The following ULK2 variants were observed in gnomAD, a reference collection of about 807,000 sequenced individuals.
ULK2 encodes unc-51 like autophagy activating kinase 2, also known as serine/threonine-protein kinase ULK2.
In ULK2, 76 loss-of-function variants were observed where a neutral mutation model predicts 127.5. That is an observed-to-expected ratio of 0.60 (90% confidence interval 0.50 to 0.72). The LOEUF (loss-of-function observed/expected upper bound fraction) is 0.72. Among genes scored for constraint, ULK2 ranks in the 30% least tolerant of loss-of-function variants. ULK2 has a pLI of 0.00. For synonymous variants in ULK2, 452 were observed against 461.9 expected, an observed-to-expected ratio of 0.98 and a Z score of 0.28; for missense variants, 1,144 against 1,295.9, an observed-to-expected ratio of 0.88 and a Z score of 1.80.
Position 19,855,210 on chromosome 17 carries a change from C to T in ULK2, c.226-5436G>A, listed in dbSNP as rs2042099387. ...ACAAGGTCAGGAGATCGAGACCATCCTGGCTAACACTGTGAAACCCCGTCT... is the reference window on the plus strand; with the variant it reads ...ACAAGGTCAGGAGATCGAGACCATCTTGGCTAACACTGTGAAACCCCGTCT... On this transcript the variant is annotated intron_variant, in intron 3 of 26. Coordinates refer to ENST00000395544, the MANE Select transcript of ULK2 (RefSeq NM_014683.4). 2.0e-5 allele frequency among the ~76,000 whole-genome samples: 3 copies of T among 151,862 alleles called. No homozygotes were observed. In the South Asian group the frequency reaches 6.2e-4, roughly 31 times the overall value.
intron 15 of ULK2, among the ~76,000 whole-genome samples, chr17:19,804,442 G>A (rs1053212243): frequency 6.6e-6 from 1 of 151,518 alleles, no homozygotes; most frequent in African/African-American, 2.4e-5. Flanking sequence ...AAGTATATAT[G>A]TCTATACACA....
At chr17:19,805,266 CTGACTT>C (rs1485183823) in intron 14 of ULK2, among the ~76,000 whole-genome samples, 1 of 152,232 alleles carries the variant, frequency 6.6e-6, no homozygotes, top group Non-Finnish European at 1.5e-5. Flanking sequence ...TCAAAGAGCT[CTGACTT>C]TATGAAGAAG....
rs2041856096 is a variant in ULK2, at chr17:19,845,377, G to A, written c.470C>T (p.Ala157Val). The A allele has an allele frequency of 3.1e-6, 5 of 1,612,858 alleles. No individual in the cohort carries two copies. Among genetic ancestry groups the A allele is most frequent in the Non-Finnish European group, 4.2e-6 (5 of 1,179,182 alleles). ...TAGGTAACGAGCAAAACCAAAATCCGCTATTTCACAAAACAGAAAGTAGAA... is the reference window on the plus strand; with the variant it reads ...TAGGTAACGAGCAAAACCAAAATCCACTATTTCACAAAACAGAAAGTAGAA... ...SSVSGIRIKI[A>V]DFGFARYLHS... Residue 157 changes from alanine (A) to valine (V), a missense_variant and splice_region_variant, in exon 7 of 27, where the codon GCG (alanine) becomes GTG (valine). By Grantham distance (64) the Ala-to-Val change is moderately conservative. Coordinates refer to ENST00000395544, the MANE Select transcript of ULK2 (RefSeq NM_014683.4).
intron 1 of ULK2, among the ~76,000 whole-genome samples, chr17:19,866,832 C>T (rs2042360979): frequency 6.6e-6 from 1 of 152,152 alleles, no homozygotes; most frequent in Admixed American, 6.5e-5. Flanking sequence ...GGTACGGGGG[C>T]TCTTCGGGGT....
At chr17:19,858,695 C>T (rs1034054351) in intron 3 of ULK2, among the ~76,000 whole-genome samples, 5 of 152,052 alleles carry the variant, frequency 3.3e-5, no homozygotes, top group South Asian at 2.1e-4. Context: ...ACCAGCTGGG[C>T]GCAGTGGCTC....
At position 19,838,587 on chromosome 17, in the gene ULK2, G is replaced by A; in HGVS notation, c.705-4C>T. On this transcript the variant is annotated splice_polypyrimidine_tract_variant and splice_region_variant and intron_variant, in intron 9 of 26. Coordinates refer to ENST00000395544, the MANE Select transcript of ULK2 (RefSeq NM_014683.4). ...AGGTGATGTTTCTCTGGGAATACTG[G>A]GGGAAAGGAAAAACACAACCACCTA... is the stretch of plus-strand genomic sequence containing the variant. The A allele has an allele frequency of 1.2e-6, 2 of 1,610,926 alleles. No homozygotes were observed. The highest frequency in any genetic ancestry group is 1.7e-6 in the Non-Finnish European group (2 of 1,179,066).
At chr17:19,814,084 C>CA (rs1020582482) in intron 13 of ULK2, among the ~76,000 whole-genome samples, 1 of 151,584 alleles carries the variant, frequency 6.6e-6, no homozygotes, top group Non-Finnish European at 1.5e-5. Flanking sequence ...ATAATATAGA[C>CA]AAAAAAAGAA....
At chr17:19,863,138 C>T (rs990993817) in intron 3 of ULK2, among the ~76,000 whole-genome samples, 3 of 151,478 alleles carry the variant, frequency 2.0e-5, no homozygotes, top group Non-Finnish European at 4.4e-5. Flanking sequence ...CGCTTTAACC[C>T]GGGGGGGCAG....
intron 13 of ULK2, chr17:19,811,149 G>GT (rs2087631496): frequency 6.6e-6 from 1 of 151,960 alleles, no homozygotes; most frequent in Non-Finnish European, 1.5e-5. Flanking sequence ...ATAAATCAGG[G>GT]TAAGGGAAAA....
chr17:19,785,985 C>A lies in ULK2; in HGVS notation c.2203G>T (p.Ala735Ser), dbSNP rs764628009. ...FTVGSPPHSA[A>S]APTCTHMFLR... The stretch of plus-strand genomic sequence containing the variant: ...AACATGTGGGTACAAGTGGGGGCTG[C>A]CGCACTGTGTGGAGGAGACCCTACA... Residue 735 changes from alanine (A) to serine (S), a missense_variant, in exon 21 of 27, where the codon GCA (alanine) becomes TCA (serine). Around this residue, in one of 2 missense-constraint regions of ULK2, gnomAD observed 913 missense variants for 970.5 expected, o/e 0.94. Transcript: ENST00000395544. The A allele has an allele frequency of 1.3e-6, 2 of 1,595,582 alleles. No individual in the cohort carries two copies. Among genetic ancestry groups the A allele is most frequent in the South Asian group, 2.2e-5 (2 of 89,128 alleles).
intron 20 of ULK2, among the ~76,000 whole-genome samples, chr17:19,789,318 T>A (rs573748650): frequency 1.3e-5 from 2 of 151,040 alleles, no homozygotes; most frequent in African/African-American, 4.9e-5. Flanking sequence ...TGGTAATCCA[T>A]AGAATTCTTC....
At chr17:19,862,876 C>A (rs1396067711) in intron 3 of ULK2, among the ~76,000 whole-genome samples, 1 of 152,124 alleles carries the variant, frequency 6.6e-6, no homozygotes, top group East Asian at 1.9e-4. Flanking sequence ...CTGCCTCATT[C>A]CCAGCACTCA....
At chr17:19,855,785 T>A (rs573094600) in intron 3 of ULK2, 2 of 152,392 alleles carry the variant, frequency 1.3e-5, no homozygotes, top group Non-Finnish European at 2.9e-5. Context: ...ATCTCACTAA[T>A]CTGTCCAGGC....
At chr17:19,804,928 A>G (rs1185572938) in intron 14 of ULK2, 98 bp from the exon 15 acceptor site, 17 of 1,395,348 alleles carry the variant, frequency 1.2e-5, no homozygotes, top group African/African-American at 2.9e-5. Flanking sequence ...TTCCAGAAAG[A>G]GCCAAATGGT....
chr17:19,847,318 G>A (rs990888445), intron 5 of ULK2, among the ~76,000 whole-genome samples: 1 of 152,224 alleles, frequency 6.6e-6, no homozygotes, highest in Non-Finnish European at 1.5e-5. Flanking sequence ...CAACCATTAT[G>A]TGAGCACAAA....
intron 1 of ULK2, among the ~76,000 whole-genome samples, chr17:19,866,692 C>T (rs934774371): frequency 6.6e-6 from 1 of 152,154 alleles, no homozygotes; most frequent in African/African-American, 2.4e-5. Flanking sequence ...ACTGTACTTG[C>T]GAAACAGCAA....
At chr17:19,801,951 A>T (rs772561523) in intron 15 of ULK2, 29 bp from the exon 16 acceptor site, 123 of 1,577,248 alleles carry the variant, frequency 7.8e-5, no homozygotes, top group Non-Finnish European at 1.0e-4. Context: ...CTTCTATAAA[A>T]GGTTCTAGAA....
Position 19,846,771 on chromosome 17 carries a change from T to C in ULK2, c.435A>G (p.Arg145=). ...TGCGAATACCACTGACACTTGATTT[T>C]CTGCGATTGGCATAGGACAGCAAGA... ...QNILLSYANR[R]KSSVSGIRIK... Residue 145 remains arginine, a synonymous_variant, in exon 6 of 27, where the codon AGA becomes AGG. Coordinates refer to ENST00000395544, the MANE Select transcript of ULK2 (RefSeq NM_014683.4). 6.2e-7 allele frequency: 1 copy of C among 1,611,968 alleles called. No individual in the cohort carries two copies.
At chr17:19,791,952 C>T (rs552364346) in intron 20 of ULK2, among the ~76,000 whole-genome samples, 5 of 150,290 alleles carry the variant, frequency 3.3e-5, no homozygotes, top group East Asian at 1.9e-4. Context: ...TATATAAATA[C>T]GTGGAAATTA....
Sources: allele counts gnomAD v4.1 joint callset (sites outside exome capture counted in the v4.1 genomes callset), GRCh38; gene constraint gnomAD v4.1.1; regional missense constraint gnomAD v4.1.1; transcripts MANE v1.5; gene names NCBI Gene and HGNC (gene_info 2026-07-23, HGNC 2026-07-21).